FNDC7: variants seen among roughly 807,000 people sequenced by gnomAD.
The protein encoded by FNDC7 is fibronectin type III domain containing 7.
In FNDC7, 66 loss-of-function variants were observed where a neutral mutation model predicts 74.2. The ratio of observed to expected loss-of-function variants is 0.89; its 90% CI spans 0.73 to 1.09. The LOEUF (loss-of-function observed/expected upper bound fraction) is 1.09, where lower values mean the gene tolerates loss of function less well. Ranked by LOEUF, FNDC7 falls within the 50% of genes least tolerant of loss-of-function variation. The pLI is 0.00. For missense variants in FNDC7, 829 were observed against 893.4 expected (o/e 0.93, Z 0.92); for synonymous variants, 307 against 330.2 (o/e 0.93, Z 0.76).
At chr1:108,736,361 C>CCT (rs1013089786) in intron 10 of FNDC7, among the ~76,000 whole-genome samples, 1 of 151,840 alleles carries the variant, frequency 6.6e-6, no homozygotes, top group African/African-American at 2.4e-5. Context: ...CAGAGTTAGC[C>CCT]CTCTCTCTCT....
intron 1 of FNDC7, 121 bp downstream of exon 1, chr1:108,713,117 G>A (rs1462126179): frequency 2.2e-6 from 2 of 892,410 alleles, no homozygotes; most frequent in African/African-American, 1.7e-5. Context: ...GAATACTTTG[G>A]TTTGTACCGA....
At chr1:108,737,307 A>C (rs780983930) in intron 10 of FNDC7, among the ~76,000 whole-genome samples, 188 bp from the exon 11 acceptor site, 3 of 152,052 alleles carry the variant, frequency 2.0e-5, no homozygotes, top group Non-Finnish European at 4.4e-5. Context: ...TTTTCAGATA[A>C]ATTGAGGCAC....
chr1:108,722,993 G>C (rs1164649710), intron 5 of FNDC7, among the ~76,000 whole-genome samples: 6 of 152,042 alleles, frequency 3.9e-5, no homozygotes, highest in African/African-American at 9.7e-5. Context: ...TTAAGAAAAA[G>C]ATAGGATATT....
chr1:108,714,320 A>C lies in FNDC7; in HGVS notation c.82+791A>C, dbSNP rs147019400. Among the ~76,000 whole-genome samples, 400 of 152,364 alleles carry C rather than the reference A, an allele frequency of 2.6e-3. 1 individual carries two copies. Among genetic ancestry groups the C allele is most frequent in the African/African-American group, 9.4e-3 (389 of 41,594 alleles). ...TTAAGACAGTTAAAAAATTTGATAC[A>C]GATACATGTCTGAGCCATGAAATTT... On this transcript the variant is annotated intron_variant, in intron 2 of 12. Coordinates refer to ENST00000370017, the MANE Select transcript of FNDC7 (RefSeq NM_001144937.3).
In FNDC7 at chr1:108,722,642, G is replaced by T. The variant is rs762222173; in HGVS notation, c.856+50G>T. 9.7e-6 allele frequency: 15 copies of T among 1,541,804 alleles called. No homozygotes were observed. In the South Asian group the frequency reaches 1.6e-4, roughly 17 times the overall value. On this transcript the variant is annotated intron_variant, in intron 5 of 12. Transcript: ENST00000370017. ...TGTCGGGCTTGCAGCCCTGACTGCT[G>T]TAAGGGAGACGTTCACTGACAATGT...
At chr1:108,740,029 TA>T (rs34183498) in intron 11 of FNDC7, among the ~76,000 whole-genome samples, 24,455 of 108,880 alleles carry the variant, frequency 0.22, 2,341 homozygotes, top group Non-Finnish European at 0.25. Context: ...GCCATCTCTC[TA>T]AAAAAAAAAA....
At chr1:108,729,873 C>T (rs1369563436) in intron 8 of FNDC7, among the ~76,000 whole-genome samples, 1 of 152,078 alleles carries the variant, frequency 6.6e-6, no homozygotes, top group Non-Finnish European at 1.5e-5. Context: ...ATACTGCATA[C>T]GTGAAGATGT....
intron 8 of FNDC7, among the ~76,000 whole-genome samples, chr1:108,729,648 T>G (rs1258057314): frequency 6.6e-6 from 1 of 152,172 alleles, no homozygotes; most frequent in Admixed American, 6.5e-5. Context: ...TGACTAATGC[T>G]GCAAAGCACT....
At chr1:108,723,886 A>T (rs1022617877) in intron 5 of FNDC7, among the ~76,000 whole-genome samples, 4 of 152,232 alleles carry the variant, frequency 2.6e-5, no homozygotes, top group Admixed American at 2.6e-4. Context: ...TGATTCTACT[A>T]TGCAGTCAGG....
intron 7 of FNDC7, 49 bp downstream of exon 7, chr1:108,728,114 C>T: frequency 6.3e-7 from 1 of 1,584,670 alleles, no homozygotes; most frequent in Non-Finnish European, 8.6e-7. Flanking sequence ...TGATTCACCC[C>T]AGCTCTGAGC....
chr1:108,722,593 G>A lies in FNDC7; in HGVS notation c.856+1G>A. The A allele has an allele frequency of 1.2e-6, 2 of 1,611,110 alleles. No homozygotes were observed. The highest frequency in any genetic ancestry group is 1.7e-6 in the Non-Finnish European group (2 of 1,178,036). Reference sequence around the variant, plus strand: ...TCTTCAGCAATGACCCTGAAAACTGGTATGTAAACAAGAGTGAGACTGCTG... The same window carrying A: ...TCTTCAGCAATGACCCTGAAAACTGATATGTAAACAAGAGTGAGACTGCTG... On this transcript the variant is annotated splice_donor_variant, in intron 5 of 12. Transcript: ENST00000370017. LOFTEE classifies it high-confidence loss of function.
Position 108,733,797 on chromosome 1 carries a change from C to A in FNDC7, c.2140+265C>A, listed in dbSNP as rs184261168. ...TCCCAAGTAGCTGCGATTACAGGCA[C>A]CTGGCATCATACCTGAGTAATTTTT... On this transcript the variant is annotated intron_variant, in intron 10 of 12. Transcript: ENST00000370017. Among the ~76,000 whole-genome samples the A allele has an allele frequency of 2.8e-3, 433 of 151,992 alleles. 9 individuals are homozygous for A. Among genetic ancestry groups the A allele is most frequent in the Admixed American group, 0.024 (367 of 15,246 alleles).
In FNDC7 at chr1:108,725,763, C is replaced by T. The variant is rs141658801; in HGVS notation, c.870C>T (p.Pro290=). The change falls in exon 6 of 13, where the codon CCC becomes CCT. Residue 290 remains proline (P), a synonymous_variant. Transcript: ENST00000370017. ...AMTLKTVACA[P]GRVTIQEDPP... Reference sequence around the variant, plus strand: ...ATCATTTCCTAGTTGCTTGTGCACCCGGAAGAGTGACGATCCAAGAAGATC... The same window carrying T: ...ATCATTTCCTAGTTGCTTGTGCACCTGGAAGAGTGACGATCCAAGAAGATC... 5.3e-5 allele frequency: 86 copies of T among 1,613,872 alleles called. No individual in the cohort carries two copies. Among genetic ancestry groups the T allele is most frequent in the Non-Finnish European group, 6.5e-5 (77 of 1,179,944 alleles).
chr1:108,723,487 A>T (rs1194902677), intron 5 of FNDC7, among the ~76,000 whole-genome samples: 1 of 147,792 alleles, frequency 6.8e-6, no homozygotes, highest in East Asian at 1.9e-4. Flanking sequence ...ACTCCATTCC[A>T]CAGGAAAAAA....
chr1:108,737,619 A>T, intron 11 of FNDC7, 95 bp downstream of exon 11: 10 of 973,996 alleles, frequency 1.0e-5, no homozygotes, highest in Non-Finnish European at 1.2e-5. Context: ...TAGAAAGCAA[A>T]TGCTTTCTTT....
Position 108,740,318 on chromosome 1 carries a change from CTTTTTTTTT to C in FNDC7, c.2171-1436_2171-1428del, listed in dbSNP as rs567191029. 8.7e-5 allele frequency among the ~76,000 whole-genome samples: 6 copies of C among 68,864 alleles called. No individual in the cohort carries two copies. In the Admixed American group the frequency reaches 1.1e-3, roughly 13 times the overall value. The allele number at this position is 68,864 out of a possible 152,430, so 45.2% of individuals were successfully genotyped here. A position where few individuals can be genotyped will look rare whatever the true frequency, so the allele number is the denominator to read the frequency against. ...TTGGAGTATCCTAAAGCTTTTCAAA[CTTTTTTTTT>C]TTTTTTTTTTTTTTTTTTGAGATGG... is the stretch of plus-strand genomic sequence containing the variant. On this transcript the variant is annotated intron_variant, in intron 11 of 12. Transcript: ENST00000370017.
rs1557788487 is a variant in FNDC7, at chr1:108,722,595, A to G, written c.856+3A>G. On this transcript the variant is annotated splice_donor_region_variant and intron_variant, in intron 5 of 12. Transcript: ENST00000370017. Reference sequence around the variant, plus strand: ...TTCAGCAATGACCCTGAAAACTGGTATGTAAACAAGAGTGAGACTGCTGTC... The same window carrying G: ...TTCAGCAATGACCCTGAAAACTGGTGTGTAAACAAGAGTGAGACTGCTGTC... 3.7e-6 allele frequency: 6 copies of G among 1,610,824 alleles called. No individual in the cohort carries two copies. The highest frequency in any genetic ancestry group is 5.1e-6 in the Non-Finnish European group (6 of 1,177,920).
chr1:108,728,245 G>A (rs1285488151), intron 7 of FNDC7, among the ~76,000 whole-genome samples, 180 bp downstream of exon 7: 1 of 152,172 alleles, frequency 6.6e-6, no homozygotes, highest in Non-Finnish European at 1.5e-5. Flanking sequence ...GAAGAGGAAA[G>A]TGGAAAAAAT....
chr1:108,722,515 C>T lies in FNDC7; in HGVS notation c.779C>T (p.Thr260Ile), dbSNP rs1465324421. The change falls in exon 5 of 13, where the codon ACT becomes ATT. Residue 260 changes from threonine to isoleucine, a missense_variant. Thr to Ile is a moderately conservative substitution (Grantham distance 89). Coordinates refer to ENST00000370017, the MANE Select transcript of FNDC7 (RefSeq NM_001144937.3). ...ACCATCTCTTCCCTCCAGTGTGGAACTGAATACTTGATTTCAGTTTTAGCA... is the reference window on the plus strand; with the variant it reads ...ACCATCTCTTCCCTCCAGTGTGGAATTGAATACTTGATTTCAGTTTTAGCA... The part of the protein sequence containing the change: ...SCTISSLQCG[T>I]EYLISVLASN... The T allele has an allele frequency of 6.2e-7, 1 of 1,614,102 alleles. No homozygotes were observed. Among genetic ancestry groups the T allele is most frequent in the African/African-American group, 1.3e-5 (1 of 74,942 alleles).
Sources: gnomAD v4.1 joint callset for allele counts (sites outside exome capture counted in the v4.1 genomes callset) on GRCh38, gnomAD v4.1.1 for gene constraint, MANE v1.5 for transcripts, NCBI Gene and HGNC (gene_info 2026-07-23, HGNC 2026-07-21) for gene names.